The following ZNF846 variants were observed in gnomAD, a reference collection of about 807,000 sequenced individuals.
The protein encoded by ZNF846 is zinc finger protein 846.
In ZNF846, 15 loss-of-function variants were observed where a neutral mutation model predicts 16.0. The observed-to-expected ratio is 0.94, with a 90% CI of 0.63 to 1.45. The LOEUF (loss-of-function observed/expected upper bound fraction) is 1.45, where lower values mean the gene tolerates loss of function less well. Ranked by LOEUF, ZNF846 falls within the 40% of genes most tolerant of loss-of-function variation. The probability of loss-of-function intolerance (pLI) is 0.00; values close to 1 mark genes in which losing one functional copy is unlikely to be tolerated. For missense variants in ZNF846, 714 were observed against 622.3 expected (o/e 1.15, Z -1.57); for synonymous variants, 229 against 212.0 (o/e 1.08, Z -0.70).
intron 1 of ZNF846, among the ~76,000 whole-genome samples, chr19:9,784,695 A>T (rs1049396408): frequency 7.2e-5 from 11 of 151,868 alleles, no homozygotes; most frequent in South Asian, 2.1e-4. Flanking sequence ...GTGGGGGGAA[A>T]CCTTGGACAA....
downstream of ZNF846, among the ~76,000 whole-genome samples, chr19:9,749,549 T>TC (rs1263698091): frequency 3.3e-5 from 3 of 89,624 alleles, no homozygotes; most frequent in African/African-American, 9.2e-5. Context: ...AGTCTTTCTT[T>TC]TTTTTTTTTT....
chr19:9,760,670 C>T (rs1202052279), intron 4 of ZNF846, among the ~76,000 whole-genome samples: 1 of 150,978 alleles, frequency 6.6e-6, no homozygotes, highest in East Asian at 1.9e-4. Flanking sequence ...CATTGCACTC[C>T]AGCCTGGGTG....
chr19:9,764,683 C>T, intron 2 of ZNF846: 1 of 515,024 alleles, frequency 1.9e-6, no homozygotes, highest in Non-Finnish European at 3.5e-6. Context: ...TATTTCTCAA[C>T]CTGCCAATCT....
chr19:9,783,565 A>G (rs967946142), intron 1 of ZNF846, among the ~76,000 whole-genome samples: 1 of 144,156 alleles, frequency 6.9e-6, no homozygotes, highest in Non-Finnish European at 1.5e-5. Context: ...ATATATATAT[A>G]TTCTTTAAAA....
exon 6 of ZNF846, chr19:9,758,002 T>G: frequency 6.2e-7 from 1 of 1,613,592 alleles, no homozygotes; most frequent in Non-Finnish European, 8.5e-7. Context: ...CCACTGTGAA[T>G]CCTTACATGT....
exon 6 of ZNF846, chr19:9,758,022 T>C (rs754794412): frequency 6.2e-7 from 1 of 1,613,390 alleles, no homozygotes. Flanking sequence ...TTTTGTAAGG[T>C]ATGAGGAATG....
At chr19:9,766,511 G>A (rs920971481) in intron 1 of ZNF846, among the ~76,000 whole-genome samples, 3 of 151,722 alleles carry the variant, frequency 2.0e-5, no homozygotes, top group African/African-American at 7.3e-5. Context: ...CAAATAATGT[G>A]ATAAATAACT....
exon 1 of ZNF846, chr19:9,786,017 C>T (rs1042258829): frequency 6.6e-6 from 1 of 151,784 alleles, no homozygotes; most frequent in Non-Finnish European, 1.5e-5. Flanking sequence ...TGGCCACGCG[C>T]ACTTCTGATT....
chr19:9,784,069 A>T (rs1210660431), intron 1 of ZNF846, among the ~76,000 whole-genome samples: 2 of 152,066 alleles, frequency 1.3e-5, no homozygotes, highest in Non-Finnish European at 2.9e-5. Flanking sequence ...TTCGTATTGA[A>T]GGGGGCCTGC....
At chr19:9,769,609 C>T (rs1357115722), upstream of ZNF846, among the ~76,000 whole-genome samples, 1 of 152,096 alleles carries the variant, frequency 6.6e-6, no homozygotes, top group Non-Finnish European at 1.5e-5. Context: ...GATAATCCCG[C>T]TGTAGTCCTA....
At chr19:9,763,512 CCAGGCCT>C (rs2045265320) in intron 2 of ZNF846, 104 bp from the exon 3 acceptor site, 1 of 1,126,424 alleles carries the variant, frequency 8.9e-7, no homozygotes, top group Non-Finnish European at 1.2e-6. Context: ...TGCAGTACTC[CCAGGCCT>C]CAGGCCTCTT....
chr19:9,759,308 G>C (rs1230615364), intron 5 of ZNF846, among the ~76,000 whole-genome samples: 1 of 149,648 alleles, frequency 6.7e-6, no homozygotes, highest in Non-Finnish European at 1.5e-5. Flanking sequence ...GAATTATTTA[G>C]ACTAAATTAT....
At chr19:9,774,986 G>A in intron 1 of ZNF846, 1 of 1,604,422 alleles carries the variant, frequency 6.2e-7, no homozygotes, top group South Asian at 1.1e-5. Context: ...GTTCCAGCAA[G>A]TGTAAGCAGA....
downstream of ZNF846, among the ~76,000 whole-genome samples, chr19:9,749,215 C>T (rs927346344): frequency 2.6e-5 from 4 of 152,192 alleles, no homozygotes; most frequent in African/African-American, 4.8e-5. Flanking sequence ...AAACCTAACA[C>T]ATCCCTTCAT....
chr19:9,781,383 C>T (rs150451898), intron 1 of ZNF846, among the ~76,000 whole-genome samples: 4,045 of 152,250 alleles, frequency 0.027, 171 homozygotes, highest in African/African-American at 0.092. Flanking sequence ...ACATTGGCCT[C>T]CCAAAGTGCT....
intron 1 of ZNF846, chr19:9,774,378 G>A: frequency 1.9e-6 from 1 of 521,166 alleles, no homozygotes; most frequent in Non-Finnish European, 3.5e-6. Context: ...TGAGGCAGGA[G>A]AATGGCGTGA....
intron 1 of ZNF846, chr19:9,774,843 A>C: frequency 6.2e-7 from 1 of 1,609,830 alleles, no homozygotes; most frequent in Non-Finnish European, 8.5e-7. Context: ...AATGACCCCC[A>C]GCCCGAGCAC....
downstream of ZNF846, chr19:9,755,552 G>C (rs973550101): frequency 3.3e-5 from 5 of 151,046 alleles, no homozygotes; most frequent in Non-Finnish European, 5.9e-5. Flanking sequence ...TGTAATCCCA[G>C]CACTTTGGGA....
intron 3 of ZNF846, chr19:9,762,463 C>T: frequency 3.9e-6 from 1 of 254,398 alleles, no homozygotes; most frequent in Non-Finnish European, 7.6e-6. Flanking sequence ...CGTGGTGAAA[C>T]TTCCTCTCTA....
Sources: allele counts gnomAD v4.1 joint callset (sites outside exome capture counted in the v4.1 genomes callset), GRCh38; gene constraint gnomAD v4.1.1; transcripts MANE v1.5; gene names NCBI Gene and HGNC (gene_info 2026-07-23, HGNC 2026-07-21).